The following GALNT13 variants were observed in gnomAD, a reference collection of about 807,000 sequenced individuals.
The protein encoded by GALNT13 is polypeptide N-acetylgalactosaminyltransferase 13.
A neutral mutation model predicts 64.2 loss-of-function variants in GALNT13; 28 were observed. The observed-to-expected ratio is 0.44, with a 90% CI of 0.32 to 0.60. The LOEUF (loss-of-function observed/expected upper bound fraction) is 0.60. Ranked by LOEUF, GALNT13 falls within the 20% of genes least tolerant of loss-of-function variation. The pLI, the probability that GALNT13 is intolerant of heterozygous loss-of-function variation, is 0.05. For missense variants in GALNT13, 577 were observed against 669.8 expected, an observed-to-expected ratio of 0.86 and a Z score of 1.53; for synonymous variants, 214 against 224.6, an observed-to-expected ratio of 0.95 and a Z score of 0.42.
chr2:154,369,351 C>CTGAT (rs1040881734), intron 9 of GALNT13, among the ~76,000 whole-genome samples: 1 of 151,770 alleles, frequency 6.6e-6, no homozygotes, highest in African/African-American at 2.4e-5. Context: ...TCTTGACTGA[C>CTGAT]GTAATACATA....
chr2:153,523,966 T>C, the GALNT13 span, among the ~76,000 whole-genome samples: 15 of 152,300 alleles, frequency 9.8e-5, no homozygotes, highest in East Asian at 2.5e-3. Context: ...TTGAGTTATA[T>C]ATTTCCCTGT....
chr2:153,386,421 A>G, the GALNT13 span, among the ~76,000 whole-genome samples: 3 of 152,042 alleles, frequency 2.0e-5, no homozygotes, highest in Non-Finnish European at 4.4e-5. Context: ...TGAGCTTTCA[A>G]AAAACAAAAA....
chr2:154,064,642 C>T (rs982834639), intron 3 of GALNT13, among the ~76,000 whole-genome samples: 1 of 152,086 alleles, frequency 6.6e-6, no homozygotes, highest in East Asian at 1.9e-4. Context: ...GAAGATTACC[C>T]ACTGCCTATA....
the GALNT13 span, among the ~76,000 whole-genome samples, chr2:153,689,241 C>T: frequency 4.0e-3 from 609 of 152,056 alleles, 2 homozygotes; most frequent in African/African-American, 0.014. Flanking sequence ...CATTTTCATT[C>T]AGATGTGTAT....
chr2:153,925,319 C>T (rs1690047051), intron 2 of GALNT13, among the ~76,000 whole-genome samples: 1 of 151,962 alleles, frequency 6.6e-6, no homozygotes, highest in African/African-American at 2.4e-5. Context: ...AATGCTTTCC[C>T]CATTGCTTGT....
chr2:153,662,266 G>C, the GALNT13 span, among the ~76,000 whole-genome samples: 1 of 152,132 alleles, frequency 6.6e-6, no homozygotes, highest in East Asian at 1.9e-4. Flanking sequence ...CCCATGTCCA[G>C]ATCTCCTGAT....
the GALNT13 span, among the ~76,000 whole-genome samples, chr2:153,131,847 T>A: frequency 0.097 from 14,720 of 151,968 alleles, 790 homozygotes; most frequent in African/African-American, 0.13. Context: ...ATGAGTAAAT[T>A]GATGAGTGAC....
the GALNT13 span, among the ~76,000 whole-genome samples, chr2:153,453,908 C>T: frequency 6.6e-6 from 1 of 152,154 alleles, no homozygotes; most frequent in Admixed American, 6.5e-5. Context: ...AAATGTAGTA[C>T]ATATACACCA....
At chr2:154,271,745 A>G (rs978896674) in intron 8 of GALNT13, among the ~76,000 whole-genome samples, 33 of 152,052 alleles carry the variant, frequency 2.2e-4, no homozygotes, top group African/African-American at 7.9e-4. Flanking sequence ...CTATATATAT[A>G]TCTATCTAAT....
At chr2:154,096,352 C>T (rs1033361062) in intron 3 of GALNT13, among the ~76,000 whole-genome samples, 1 of 151,890 alleles carries the variant, frequency 6.6e-6, no homozygotes, top group African/African-American at 2.4e-5. Flanking sequence ...AATAGTCTTC[C>T]TACAAACCAG....
chr2:153,358,451 G>A, the GALNT13 span, among the ~76,000 whole-genome samples: 1 of 152,244 alleles, frequency 6.6e-6, no homozygotes, highest in South Asian at 2.1e-4. Flanking sequence ...TAAGGACTAA[G>A]GTTACCTCCC....
intron 11 of GALNT13, among the ~76,000 whole-genome samples, chr2:154,433,622 A>G (rs1013706953): frequency 1.3e-5 from 2 of 152,296 alleles, no homozygotes; most frequent in African/African-American, 2.4e-5. Flanking sequence ...CTGCCAACAT[A>G]AATTAGGCCC....
chr2:153,309,956 C>T, the GALNT13 span, among the ~76,000 whole-genome samples: 1 of 152,042 alleles, frequency 6.6e-6, no homozygotes, highest in Non-Finnish European at 1.5e-5. Context: ...TTCCAAAATC[C>T]TTAGTAAAAA....
At chr2:153,143,617 G>A in the GALNT13 span, among the ~76,000 whole-genome samples, 8 of 152,026 alleles carry the variant, frequency 5.3e-5, no homozygotes, top group Non-Finnish European at 1.0e-4. Context: ...AAGTAGCAAA[G>A]TCTGCCAGAT....
chr2:153,802,623 T>G, the GALNT13 span, among the ~76,000 whole-genome samples: 1 of 152,230 alleles, frequency 6.6e-6, no homozygotes, highest in African/African-American at 2.4e-5. Flanking sequence ...GGATGCCAAT[T>G]TCATGAAATA....
At chr2:153,614,184 T>C in the GALNT13 span, among the ~76,000 whole-genome samples, 1 of 151,912 alleles carries the variant, frequency 6.6e-6, no homozygotes, top group Non-Finnish European at 1.5e-5. Context: ...ACTCTAGGGA[T>C]TACCTACACA....
At chr2:153,421,232 G>T in the GALNT13 span, 1 of 181,770 alleles carries the variant, frequency 5.5e-6, no homozygotes. Context: ...GAGGGTACCA[G>T]GTCGGTCTGG....
chr2:153,511,544 T>C, the GALNT13 span, among the ~76,000 whole-genome samples: 1 of 152,154 alleles, frequency 6.6e-6, no homozygotes, highest in African/African-American at 2.4e-5. Flanking sequence ...ATAACCACTC[T>C]AGGAAAAAGG....
At chr2:153,138,782 C>T in the GALNT13 span, among the ~76,000 whole-genome samples, 6 of 152,064 alleles carry the variant, frequency 3.9e-5, no homozygotes, top group Admixed American at 6.6e-5. Flanking sequence ...ACACAGCTTT[C>T]GCAATCTCTT....
Sources: gnomAD v4.1 joint callset for allele counts (sites outside exome capture counted in the v4.1 genomes callset) on GRCh38, gnomAD v4.1.1 for gene constraint, MANE v1.5 for transcripts, NCBI Gene and HGNC (gene_info 2026-07-23, HGNC 2026-07-21) for gene names.